Variants in SBNO1 observed in about 807,000 individuals in gnomAD.
SBNO1 encodes protein strawberry notch homolog 1.
A neutral mutation model predicts 173.6 loss-of-function variants in SBNO1; 23 were observed. The observed-to-expected ratio is 0.13, with a 90% CI of 0.10 to 0.19. SBNO1 has a LOEUF of 0.19. Among genes scored for constraint, SBNO1 ranks in the 10% least tolerant of loss-of-function variants. The pLI, the probability that SBNO1 is intolerant of heterozygous loss-of-function variation, is 1.00. For missense variants in SBNO1, 1,238 were observed against 1,671.2 expected, an observed-to-expected ratio of 0.74 and a Z score of 4.52; for synonymous variants, 632 against 571.5, an observed-to-expected ratio of 1.11 and a Z score of -1.51.
chr12:123,356,408 T>C (rs1874463402), intron 1 of SBNO1, among the ~76,000 whole-genome samples: 3 of 152,182 alleles, frequency 2.0e-5, no homozygotes, highest in African/African-American at 7.2e-5. Flanking sequence ...AGCAATCCAT[T>C]AAATAATTAA....
intron 13 of SBNO1, 105 bp downstream of exon 13, chr12:123,327,321 G>A: frequency 1.0e-6 from 1 of 955,880 alleles, no homozygotes; most frequent in Non-Finnish European, 1.6e-6. Context: ...TTGTTTTATA[G>A]TAGAAATACA....
Position 123,328,022 on chromosome 12 carries a change from C to T in SBNO1, c.1302G>A (p.Val434=), listed in dbSNP as rs1222123054. The change falls in exon 11 of 32, where the codon GTG becomes GTA. Residue 434 remains valine, a synonymous_variant. Coordinates refer to ENST00000602398, the MANE Select transcript of SBNO1 (RefSeq NM_001167856.3). ...TTTTGGCTTTATGACACTCATCAAA[C>T]ACTATCTAAATGGAATGAGTTAAGG... is the stretch of plus-strand genomic sequence containing the variant. The part of the protein sequence containing the change: ...WCGDDFDGVI[V]FDECHKAKNL... 3 of 1,608,194 alleles carry T rather than the reference C, an allele frequency of 1.9e-6. No individual in the cohort carries two copies. Among genetic ancestry groups the T allele is most frequent in the Non-Finnish European group, 2.6e-6 (3 of 1,176,434 alleles).
intron 1 of SBNO1, among the ~76,000 whole-genome samples, chr12:123,353,192 A>G (rs1428960554): frequency 2.0e-5 from 3 of 152,184 alleles, no homozygotes; most frequent in Non-Finnish European, 2.9e-5. Flanking sequence ...GGAAGGAAAC[A>G]AGCCTAGCAC....
At chr12:123,296,911 G>A (rs2048616685) in intron 31 of SBNO1, among the ~76,000 whole-genome samples, 1 of 148,608 alleles carries the variant, frequency 6.7e-6, no homozygotes, top group African/African-American at 2.5e-5. Context: ...TGCCTAGGCT[G>A]GTCTCAAACT....
At chr12:123,336,266 G>C (rs2139022064) in intron 6 of SBNO1, 129 bp downstream of exon 6, 1 of 641,058 alleles carries the variant, frequency 1.6e-6, no homozygotes, top group Non-Finnish European at 2.7e-6. Flanking sequence ...AGCTTCTTTA[G>C]TTTTGGTTTT....
chr12:123,340,559 C>T (rs1050617669), intron 5 of SBNO1, among the ~76,000 whole-genome samples: 8 of 113,286 alleles, frequency 7.1e-5, no homozygotes, highest in Non-Finnish European at 9.8e-5. Flanking sequence ...CCAGCCTGGG[C>T]GATAAGAGTA....
chr12:123,356,613 T>C (rs1874491834), intron 1 of SBNO1, among the ~76,000 whole-genome samples: 1 of 152,230 alleles, frequency 6.6e-6, no homozygotes, highest in African/African-American at 2.4e-5. Flanking sequence ...AGCTAATTTT[T>C]TTGTATTTTT....
chr12:123,318,369 G>A (rs1185562085), intron 20 of SBNO1, among the ~76,000 whole-genome samples: 1 of 151,920 alleles, frequency 6.6e-6, no homozygotes, highest in East Asian at 1.9e-4. Context: ...AACCCGGGAG[G>A]TGGAGGTGGC....
chr12:123,313,839 A>G, intron 23 of SBNO1, 120 bp from the exon 24 acceptor site: 1 of 582,860 alleles, frequency 1.7e-6, no homozygotes, highest in Non-Finnish European at 3.0e-6. Flanking sequence ...CTGTAATCCC[A>G]GCACTTTGGG....
chr12:123,332,656 T>A (rs1871353577), intron 7 of SBNO1, among the ~76,000 whole-genome samples: 1 of 152,074 alleles, frequency 6.6e-6, no homozygotes, highest in South Asian at 2.1e-4. Flanking sequence ...AACCTCCACC[T>A]CCTGGGTTCA....
chr12:123,331,047 A>G (rs970946523), intron 8 of SBNO1, among the ~76,000 whole-genome samples, 195 bp downstream of exon 8: 1 of 151,658 alleles, frequency 6.6e-6, no homozygotes, highest in Admixed American at 6.6e-5. Flanking sequence ...ACTGCAAGCT[A>G]TGCCTCCAGG....
At chr12:123,309,607 T>C in intron 26 of SBNO1, 24 bp from the exon 27 acceptor site, 9 of 1,606,606 alleles carry the variant, frequency 5.6e-6, no homozygotes, top group Middle Eastern at 1.7e-4. Context: ...AAGAAACATG[T>C]AAATGTAAAA....
At chr12:123,318,699 C>A (rs1869589123) in intron 20 of SBNO1, among the ~76,000 whole-genome samples, 2 of 147,498 alleles carry the variant, frequency 1.4e-5, no homozygotes, top group Non-Finnish European at 3.0e-5. Flanking sequence ...TGCCACTGCA[C>A]TGCACTCCAG....
intron 21 of SBNO1, among the ~76,000 whole-genome samples, chr12:123,316,955 G>A (rs1243084971): frequency 6.6e-6 from 1 of 152,060 alleles, no homozygotes; most frequent in East Asian, 1.9e-4. Context: ...ACCCACCTCA[G>A]CCTCCCAAAG....
intron 7 of SBNO1, 40 bp from the exon 8 acceptor site, chr12:123,331,415 A>G (rs373942141): frequency 2.8e-5 from 44 of 1,598,566 alleles, no homozygotes; most frequent in Non-Finnish European, 3.1e-5. Context: ...AATCCTTCAG[A>G]TATTTTGGTG....
In SBNO1 at chr12:123,345,506, G is replaced by C. The variant is rs1297971096; in HGVS notation, c.302C>G (p.Ser101Cys). Residue 101 changes from serine to cysteine, a missense_variant, in exon 4 of 32, where the codon TCT becomes TGT. Physicochemically the swap from Ser to Cys is moderately radical, Grantham distance 112. Transcript: ENST00000602398. ...TGGTGTTTTAGTCATTACAATTGTAGATCCCAAGGGTGGAAGATGATTTAT... is the reference window on the plus strand; with the variant it reads ...TGGTGTTTTAGTCATTACAATTGTACATCCCAAGGGTGGAAGATGATTTAT... ...NQINHLPPLGSTIVMTKTPPV... is the reference protein window; with the variant it reads ...NQINHLPPLGCTIVMTKTPPV... 2 of 1,613,970 alleles carry C rather than the reference G, an allele frequency of 1.2e-6. No individual in the cohort carries two copies. The highest frequency in any genetic ancestry group is 8.5e-7 in the Non-Finnish European group (1 of 1,179,984).
At position 123,290,134 on chromosome 12, in the gene SBNO1, C is replaced by G. The variant is rs1432456780; in HGVS notation, c.*5774G>C. 1.3e-5 allele frequency: 2 copies of G among 152,296 alleles called. No individual in the cohort carries two copies. The highest frequency in any genetic ancestry group is 2.4e-5 in the African/African-American group (1 of 41,478). The allele number at this position is 152,296 out of a possible 1,614,324, so 9.4% of individuals were successfully genotyped here. A position where few individuals can be genotyped will look rare whatever the true frequency, so the allele number is the denominator to read the frequency against. On this transcript the variant is annotated 3_prime_UTR_variant, in exon 32 of 32. Coordinates refer to ENST00000602398, the MANE Select transcript of SBNO1 (RefSeq NM_001167856.3). Reference sequence around the variant, plus strand: ...TGGACGGTGCCCTGCCACGTTGCGGCAGCCCAGATGGCCGCACTGCCAACC... The same window carrying G: ...TGGACGGTGCCCTGCCACGTTGCGGGAGCCCAGATGGCCGCACTGCCAACC...
intron 1 of SBNO1, among the ~76,000 whole-genome samples, chr12:123,363,635 G>A (rs910136924): frequency 6.6e-6 from 1 of 152,072 alleles, no homozygotes; most frequent in Non-Finnish European, 1.5e-5. Context: ...ACTTACAATT[G>A]GCTGCGCAAT....
intron 30 of SBNO1, among the ~76,000 whole-genome samples, chr12:123,299,992 T>C (rs1280649125): frequency 6.6e-6 from 1 of 151,960 alleles, no homozygotes; most frequent in Admixed American, 6.6e-5. Context: ...GACTCAGCAA[T>C]CTAGAGAGAT....
Sources: allele counts gnomAD v4.1 joint callset (sites outside exome capture counted in the v4.1 genomes callset), GRCh38; gene constraint gnomAD v4.1.1; transcripts MANE v1.5; gene names NCBI Gene and HGNC (gene_info 2026-07-23, HGNC 2026-07-21).